ANKHD1: variants seen among roughly 807,000 people sequenced by gnomAD.
ANKHD1 encodes ankyrin repeat and KH domain-containing protein 1.
A neutral mutation model predicts 230.5 loss-of-function variants in ANKHD1; 31 were observed. The ratio of observed to expected loss-of-function variants is 0.13; its 90% CI spans 0.10 to 0.18. The LOEUF is 0.18. ANKHD1 is among the 10% of genes least tolerant of loss of function. The pLI is 1.00. For missense variants in ANKHD1, 2,256 were observed against 3,071.3 expected (o/e 0.73, Z 6.27); for synonymous variants, 1,074 against 1,117.6 (o/e 0.96, Z 0.78).
At chr5:140,454,042 G>A (rs1376470484) in intron 7 of ANKHD1, among the ~76,000 whole-genome samples, 5 of 151,990 alleles carry the variant, frequency 3.3e-5, no homozygotes, top group African/African-American at 4.8e-5. Flanking sequence ...ATGGAAAACA[G>A]AAAAAGGCAG....
At chr5:140,458,992 A>ATG (rs1775486141) in intron 8 of ANKHD1, 130 bp downstream of exon 8, 2 of 18,438 alleles carry the variant, frequency 1.1e-4, no homozygotes, top group South Asian at 2.6e-3. Flanking sequence ...ATATATATAT[A>ATG]TATGCATATA....
intron 10 of ANKHD1, among the ~76,000 whole-genome samples, chr5:140,475,774 A>G (rs1750933326): frequency 6.6e-6 from 1 of 152,202 alleles, no homozygotes; most frequent in Non-Finnish European, 1.5e-5. Context: ...CTTCCAAAAC[A>G]TCTGATGAGG....
At chr5:140,444,132 G>C (rs545096381) in intron 5 of ANKHD1, among the ~76,000 whole-genome samples, 1 of 139,652 alleles carries the variant, frequency 7.2e-6, no homozygotes, top group Admixed American at 7.6e-5. Context: ...TATGTAGAAG[G>C]AAGGGATTAT....
intron 15 of ANKHD1, among the ~76,000 whole-genome samples, chr5:140,501,486 C>A (rs964568045): frequency 1.1e-4 from 17 of 152,008 alleles, no homozygotes; most frequent in Admixed American, 6.6e-5. Flanking sequence ...GTGGCTCACA[C>A]CTTTAATCTA....
intron 24 of ANKHD1, among the ~76,000 whole-genome samples, chr5:140,520,862 A>G (rs1753316081): frequency 6.6e-6 from 1 of 150,740 alleles, no homozygotes; most frequent in Non-Finnish European, 1.5e-5. Flanking sequence ...GCGCACCAGC[A>G]TGGCACATGT....
chr5:140,536,372 G>A (rs1754075832), intron 30 of ANKHD1, among the ~76,000 whole-genome samples: 1 of 152,208 alleles, frequency 6.6e-6, no homozygotes, highest in Non-Finnish European at 1.5e-5. Context: ...GGGATTACAG[G>A]CGTGAGCCAC....
At chr5:140,415,246 G>A (rs1581208848) in intron 1 of ANKHD1, among the ~76,000 whole-genome samples, 1 of 151,728 alleles carries the variant, frequency 6.6e-6, no homozygotes, top group African/African-American at 2.4e-5. Flanking sequence ...AGCCGGGCAT[G>A]GTGGTGCCTG....
At chr5:140,432,958 C>A (rs1183508497) in intron 1 of ANKHD1, among the ~76,000 whole-genome samples, 1 of 151,798 alleles carries the variant, frequency 6.6e-6, no homozygotes, top group Non-Finnish European at 1.5e-5. Context: ...CCCACCCTGG[C>A]TTCCCAAAGT....
intron 32 of ANKHD1, among the ~76,000 whole-genome samples, chr5:140,538,666 A>T (rs528801455): frequency 1.3e-4 from 20 of 152,314 alleles, no homozygotes; most frequent in African/African-American, 4.8e-4. Context: ...GGTTATTTTT[A>T]TCAAATATGA....
At chr5:140,537,654 C>T in intron 31 of ANKHD1, 65 bp downstream of exon 31, 1 of 1,472,680 alleles carries the variant, frequency 6.8e-7, no homozygotes. Context: ...GCCATTAAAA[C>T]TTAGTTCCTT....
intron 1 of ANKHD1, among the ~76,000 whole-genome samples, chr5:140,412,254 T>A (rs983209442): frequency 6.6e-6 from 1 of 152,068 alleles, no homozygotes; most frequent in Non-Finnish European, 1.5e-5. Flanking sequence ...ACCACGCTGG[T>A]CTCAAACTCC....
chr5:140,507,870 G>A lies in ANKHD1; in HGVS notation c.3637G>A (p.Gly1213Ser), dbSNP rs1311662175. The change falls in exon 20 of 34, where the codon GGT (glycine) becomes AGT (serine). Residue 1213 changes from glycine to serine, a missense_variant. Gly to Ser is a moderately conservative substitution (Grantham distance 56). Transcript: ENST00000360839. The surrounding 1 kb of genome is among the most constrained non-coding windows in gnomAD (Gnocchi z 4.1). Reference protein sequence around the residue: ...VPAVKLLLDMGSDINAQIETN... With the variant: ...VPAVKLLLDMSSDINAQIETN... ...TGCAGTAAAATTGCTGCTCGATATG[G>A]GTTCAGACATTAATGCCCAAATAGA... 1 of 1,614,124 alleles carries A rather than the reference G, an allele frequency of 6.2e-7. No homozygotes were observed. Among genetic ancestry groups the A allele is most frequent in the Non-Finnish European group, 8.5e-7 (1 of 1,180,036 alleles).
chr5:140,482,630 T>A lies in ANKHD1; in HGVS notation c.1833T>A (p.Ala611=). 6.2e-7 allele frequency: 1 copy of A among 1,613,190 alleles called. No homozygotes were observed. Among genetic ancestry groups the A allele is most frequent in the Non-Finnish European group, 8.5e-7 (1 of 1,179,614 alleles). ...GRTPLMKAAR[A]GHLCTVQFLI... ...CACCTTTGATGAAAGCTGCAAGAGC[T>A]GGTCATTTGTGCACTGTGCAGTTTC... The change falls in exon 11 of 34, where the codon GCT becomes GCA. Residue 611 remains alanine (A), a synonymous_variant. Coordinates refer to ENST00000360839, the MANE Select transcript of ANKHD1 (RefSeq NM_017747.3).
chr5:140,470,094 CTATAT>C (rs1776381219), intron 10 of ANKHD1, among the ~76,000 whole-genome samples: 2 of 152,008 alleles, frequency 1.3e-5, no homozygotes, highest in South Asian at 4.1e-4. Context: ...TTTAAACCCA[CTATAT>C]TAGTGTCTTC....
In ANKHD1 at chr5:140,529,011, C is replaced by T. The variant is rs1321331666; in HGVS notation, c.6065C>T (p.Ser2022Phe). The T allele has an allele frequency of 3.7e-6, 6 of 1,614,010 alleles. No individual in the cohort carries two copies. Among genetic ancestry groups the T allele is most frequent in the African/African-American group, 1.3e-5 (1 of 74,930 alleles). Residue 2022 changes from serine to phenylalanine, a missense_variant, in exon 29 of 34, where the codon TCT (serine) becomes TTT (phenylalanine). Transcript: ENST00000360839. ...TCTTCACAAAAGATGGAGTCTTTCT[C>T]TGCTGTGCCACCCACCAAAGAGAAA... Reference protein sequence around the residue: ...QLSSQKMESFSAVPPTKEKVS... With the variant: ...QLSSQKMESFFAVPPTKEKVS...
chr5:140,462,542 G>A (rs1246897721), intron 9 of ANKHD1, among the ~76,000 whole-genome samples: 2 of 151,264 alleles, frequency 1.3e-5, no homozygotes, highest in African/African-American at 2.4e-5. Flanking sequence ...GGCTAACACC[G>A]TGAAACCCCA....
intron 10 of ANKHD1, among the ~76,000 whole-genome samples, chr5:140,478,423 A>ATTATT (rs1206273198): frequency 6.6e-6 from 1 of 151,128 alleles, no homozygotes; most frequent in African/African-American, 2.4e-5. Context: ...GTGAATTGTA[A>ATTATT]TTATTTTATA....
At chr5:140,520,459 A>G (rs1442495187) in intron 24 of ANKHD1, among the ~76,000 whole-genome samples, 9 of 152,044 alleles carry the variant, frequency 5.9e-5, no homozygotes, top group African/African-American at 1.4e-4. Context: ...AAATCATGCT[A>G]CTATAAAGAC....
intron 24 of ANKHD1, among the ~76,000 whole-genome samples, chr5:140,513,912 G>C (rs1220910429): frequency 6.7e-6 from 1 of 149,896 alleles, no homozygotes. Context: ...AGATCAGTTT[G>C]GTCAACATAG....
Sources: allele counts gnomAD v4.1 joint callset (sites outside exome capture counted in the v4.1 genomes callset), GRCh38; gene constraint gnomAD v4.1.1; non-coding constraint Gnocchi (gnomAD v3.1); transcripts MANE v1.5; gene names NCBI Gene and HGNC (gene_info 2026-07-23, HGNC 2026-07-21).